GPR63: variants seen among roughly 807,000 people sequenced by gnomAD.
GPR63 encodes probable G protein-coupled receptor 63.
A neutral mutation model predicts 23.1 loss-of-function variants in GPR63; 12 were observed. The observed-to-expected ratio is 0.52, with a 90% CI of 0.33 to 0.84. The LOEUF (loss-of-function observed/expected upper bound fraction) is 0.84. Ranked by LOEUF, GPR63 falls within the 40% of genes least tolerant of loss-of-function variation. The pLI is 0.02. For synonymous variants in GPR63, 172 were observed against 191.1 expected (o/e 0.90, Z 0.82); for missense variants, 472 against 515.6 (o/e 0.92, Z 0.82).
intron 1 of GPR63, among the ~76,000 whole-genome samples, chr6:96,831,861 G>A (rs1474959630): frequency 2.0e-5 from 3 of 151,630 alleles, no homozygotes; most frequent in South Asian, 4.2e-4. Context: ...AGCCGAGATC[G>A]CGCCACTGCA....
At chr6:96,832,353 C>T (rs1774606884) in intron 1 of GPR63, among the ~76,000 whole-genome samples, 1 of 152,070 alleles carries the variant, frequency 6.6e-6, no homozygotes, top group Non-Finnish European at 1.5e-5. Context: ...CAGCCTCAAC[C>T]TCCAGGGCTC....
chr6:96,823,033 T>C (rs1276463589), intron 1 of GPR63, among the ~76,000 whole-genome samples: 1 of 152,194 alleles, frequency 6.6e-6, no homozygotes, highest in South Asian at 2.1e-4. Context: ...ACAATATTCA[T>C]GTGTTTGCAG....
chr6:96,808,423 A>C (rs1452234489), intron 1 of GPR63, among the ~76,000 whole-genome samples: 1 of 152,228 alleles, frequency 6.6e-6, no homozygotes, highest in Non-Finnish European at 1.5e-5. Context: ...AAGCAACGAG[A>C]TTAGTTTTCC....
In GPR63 at chr6:96,798,727, A is replaced by G. The variant is rs1773664434; in HGVS notation, c.1005T>C (p.Leu335=). 6.2e-7 allele frequency: 1 copy of G among 1,614,214 alleles called. No individual in the cohort carries two copies. Among genetic ancestry groups the G allele is most frequent in the East Asian group, 2.2e-5 (1 of 44,890 alleles). ...AAAAGTGCTTACTGAATGTTGCCAC[A>G]AGGCTGTAAGTGGTGAATGGGGCCC... ...VCWAPFTTYS[L]VATFSKHFYY... is the part of the protein sequence containing the mutation. Residue 335 remains leucine, a synonymous_variant, in exon 2 of 2, where the codon CTT becomes CTC. Coordinates refer to ENST00000229955, the MANE Select transcript of GPR63 (RefSeq NM_030784.4).
rs1562111332 is a variant in GPR63 at position 96,798,501 on chromosome 6, CAT to C, written c.1229_1230del (p.Tyr410CysfsTer16). ...TKRRIRPSAVYVCGEHRTVV is the reference protein window; with the variant it reads ...TKRRIRPSAVXVCGEHRTVV ...ACCACCGTCCGATGTTCCCCACACA[CAT>C]AGACAGCACTAGGACGTATCCGTCG... On this transcript the variant is annotated frameshift_variant, in exon 2 of 2. Transcript: ENST00000229955. LOFTEE classifies it high-confidence loss of function. 3 of 1,614,164 alleles carry C rather than the reference CAT, an allele frequency of 1.9e-6. No homozygotes were observed. Among genetic ancestry groups the C allele is most frequent in the Non-Finnish European group, 2.5e-6 (3 of 1,180,010 alleles).
chr6:96,805,360 G>A (rs1410575980), intron 1 of GPR63, among the ~76,000 whole-genome samples: 1 of 152,116 alleles, frequency 6.6e-6, no homozygotes, highest in Non-Finnish European at 1.5e-5. Flanking sequence ...ACTCACTACG[G>A]GGAGGACAGC....
chr6:96,816,216 T>G (rs999866524), intron 1 of GPR63, among the ~76,000 whole-genome samples: 1 of 152,194 alleles, frequency 6.6e-6, no homozygotes, highest in African/African-American at 2.4e-5. Context: ...CAGTGTTCAG[T>G]CTCATTCAAG....
intron 1 of GPR63, among the ~76,000 whole-genome samples, chr6:96,818,289 C>T (rs961269113): frequency 6.6e-6 from 1 of 151,918 alleles, no homozygotes; most frequent in African/African-American, 2.4e-5. Context: ...TGGTGAAAAC[C>T]CCTCTTTACT....
intron 1 of GPR63, among the ~76,000 whole-genome samples, chr6:96,817,004 G>A (rs1774180891): frequency 6.6e-6 from 1 of 151,996 alleles, no homozygotes; most frequent in African/African-American, 2.4e-5. Context: ...CAAAAGCACT[G>A]GCTATAAAGA....
At chr6:96,808,444 C>T (rs940577605) in intron 1 of GPR63, among the ~76,000 whole-genome samples, 4 of 152,130 alleles carry the variant, frequency 2.6e-5, no homozygotes, top group African/African-American at 9.7e-5. Context: ...CATGGGGTTG[C>T]TAAAACTGGA....
At chr6:96,799,986 T>G in intron 1 of GPR63, 105 bp from the exon 2 acceptor site, 1 of 502,164 alleles carries the variant, frequency 2.0e-6, no homozygotes, top group Non-Finnish European at 3.7e-6. Context: ...TTTGCTCTTT[T>G]TGACCGTTTA....
intron 1 of GPR63, among the ~76,000 whole-genome samples, chr6:96,834,309 A>G (rs1295931079): frequency 6.6e-6 from 1 of 152,208 alleles, no homozygotes; most frequent in Non-Finnish European, 1.5e-5. Context: ...TGTGGTTGCA[A>G]AAGTACCAAT....
intron 1 of GPR63, among the ~76,000 whole-genome samples, chr6:96,802,003 C>T (rs1264764599): frequency 6.6e-6 from 1 of 152,070 alleles, no homozygotes; most frequent in African/African-American, 2.4e-5. Context: ...AAGTCTACCT[C>T]CATAGAGGTA....
intron 1 of GPR63, among the ~76,000 whole-genome samples, chr6:96,804,605 T>A (rs564789816): frequency 6.6e-6 from 1 of 152,304 alleles, no homozygotes; most frequent in South Asian, 2.1e-4. Flanking sequence ...CCTGTCCCAA[T>A]CTTCACCACC....
chr6:96,819,772 G>A (rs557349405), intron 1 of GPR63, among the ~76,000 whole-genome samples: 2 of 150,476 alleles, frequency 1.3e-5, no homozygotes, highest in African/African-American at 2.4e-5. Flanking sequence ...CACGAGGTCA[G>A]GGATGGCTGG....
At chr6:96,808,955 G>A (rs971340148) in intron 1 of GPR63, among the ~76,000 whole-genome samples, 6 of 141,010 alleles carry the variant, frequency 4.3e-5, no homozygotes, top group East Asian at 2.2e-4. Flanking sequence ...TCCCCAGAGC[G>A]TGATGTTCCC....
At chr6:96,817,886 T>C (rs1471102421) in intron 1 of GPR63, among the ~76,000 whole-genome samples, 1 of 151,760 alleles carries the variant, frequency 6.6e-6, no homozygotes, top group Admixed American at 6.6e-5. Context: ...CATTTTTTTT[T>C]TCAAATTTCA....
chr6:96,817,804 T>C (rs1197822287), intron 1 of GPR63, among the ~76,000 whole-genome samples: 1 of 151,920 alleles, frequency 6.6e-6, no homozygotes, highest in Non-Finnish European at 1.5e-5. Flanking sequence ...TCTATGTTAG[T>C]AGTTTATTGG....
At chr6:96,812,877 T>C (rs1774077301) in intron 1 of GPR63, among the ~76,000 whole-genome samples, 1 of 152,132 alleles carries the variant, frequency 6.6e-6, no homozygotes, top group Admixed American at 6.5e-5. Flanking sequence ...CTAATTAGTT[T>C]GAAATATAAA....
Sources: allele counts gnomAD v4.1 joint callset (sites outside exome capture counted in the v4.1 genomes callset), GRCh38; gene constraint gnomAD v4.1.1; transcripts MANE v1.5; gene names NCBI Gene and HGNC (gene_info 2026-07-23, HGNC 2026-07-21).